PPP1R9A: variants seen among roughly 807,000 people sequenced by gnomAD.
PPP1R9A encodes the protein neurabin-1.
A neutral mutation model predicts 141.9 loss-of-function variants in PPP1R9A; 59 were observed. That is an observed-to-expected ratio of 0.42 (90% CI 0.34 to 0.52). The LOEUF is 0.52. Ranked by LOEUF, PPP1R9A falls within the 20% of genes least tolerant of loss-of-function variation. The pLI, the probability that PPP1R9A is intolerant of heterozygous loss-of-function variation, is 0.10. For missense variants in PPP1R9A, 1,444 were observed against 1,611.9 expected (o/e 0.90, Z 1.78); for synonymous variants, 500 against 569.7 (o/e 0.88, Z 1.74).
At chr7:95,241,231 A>T (rs1216892678) in intron 8 of PPP1R9A, among the ~76,000 whole-genome samples, 2 of 152,194 alleles carry the variant, frequency 1.3e-5, no homozygotes. Flanking sequence ...GCAGTGTGCC[A>T]TGCATCAGCC....
intron 2 of PPP1R9A, among the ~76,000 whole-genome samples, chr7:95,015,352 G>T (rs1273980185): frequency 6.6e-6 from 1 of 151,852 alleles, no homozygotes; most frequent in Non-Finnish European, 1.5e-5. Flanking sequence ...ACAACTTAAT[G>T]TCTACACAGA....
chr7:95,260,546 G>A (rs548167350), intron 12 of PPP1R9A, among the ~76,000 whole-genome samples: 10 of 152,152 alleles, frequency 6.6e-5, no homozygotes, highest in African/African-American at 2.4e-4. Flanking sequence ...GGGCCTGGTG[G>A]TGGGCACCTG....
chr7:94,967,203 C>A (rs1166889161), intron 2 of PPP1R9A, among the ~76,000 whole-genome samples: 1 of 152,016 alleles, frequency 6.6e-6, no homozygotes, highest in Non-Finnish European at 1.5e-5. Flanking sequence ...TGTATCTTAT[C>A]CCTTTTTTTC....
intron 4 of PPP1R9A, among the ~76,000 whole-genome samples, chr7:95,129,853 G>A (rs1480712511): frequency 6.6e-6 from 1 of 152,174 alleles, no homozygotes; most frequent in Non-Finnish European, 1.5e-5. Flanking sequence ...GAACGTGAGA[G>A]AGATGATGTA....
chr7:95,042,916 G>GT (rs1370039856), intron 2 of PPP1R9A, among the ~76,000 whole-genome samples: 3 of 123,474 alleles, frequency 2.4e-5, no homozygotes, highest in Non-Finnish European at 5.7e-5. Context: ...GTATATTTTT[G>GT]TTAAAAAAAA....
chr7:94,950,572 A>G (rs532764426), intron 2 of PPP1R9A, among the ~76,000 whole-genome samples: 4 of 152,132 alleles, frequency 2.6e-5, no homozygotes, highest in African/African-American at 7.2e-5. Flanking sequence ...TAAATTTGAG[A>G]GAATGTTTAA....
At chr7:94,992,717 G>A (rs1324195527) in intron 2 of PPP1R9A, among the ~76,000 whole-genome samples, 5 of 152,036 alleles carry the variant, frequency 3.3e-5, no homozygotes, top group African/African-American at 9.7e-5. Context: ...TTTCTCTAAT[G>A]GCTAATGATT....
chr7:95,147,650 A>G (rs1024608163), intron 4 of PPP1R9A, among the ~76,000 whole-genome samples: 16 of 152,084 alleles, frequency 1.1e-4, no homozygotes, highest in Non-Finnish European at 1.8e-4. Context: ...AATAGTTCTT[A>G]TTATTTTGAG....
chr7:95,269,871 G>T (rs1801891353), intron 14 of PPP1R9A, among the ~76,000 whole-genome samples: 1 of 152,108 alleles, frequency 6.6e-6, no homozygotes, highest in Admixed American at 6.6e-5. Flanking sequence ...GCAGCCCAGA[G>T]TTTCAGTAAA....
intron 8 of PPP1R9A, among the ~76,000 whole-genome samples, chr7:95,233,196 AG>A (rs1796215171): frequency 6.6e-6 from 1 of 152,250 alleles, no homozygotes; most frequent in Non-Finnish European, 1.5e-5. Context: ...GTCATAAAAA[AG>A]GATGACTTAA....
chr7:95,217,701 G>A (rs1211499669), intron 7 of PPP1R9A, among the ~76,000 whole-genome samples: 1 of 152,194 alleles, frequency 6.6e-6, no homozygotes, highest in Non-Finnish European at 1.5e-5. Flanking sequence ...AGTCTTAGGA[G>A]AGTGTATGTG....
At chr7:95,223,662 A>C (rs2152948671) in intron 7 of PPP1R9A, among the ~76,000 whole-genome samples, 1 of 152,146 alleles carries the variant, frequency 6.6e-6, no homozygotes, top group East Asian at 1.9e-4. Context: ...GTTCATTTCA[A>C]CTCATGTTTA....
rs533455395 is a variant in PPP1R9A, at chr7:95,233,612, G to T, written c.2112+7496G>T. On this transcript the variant is annotated intron_variant, in intron 8 of 19. Coordinates refer to ENST00000433360, the MANE Select transcript of PPP1R9A (RefSeq NM_001166160.2). ...TCTGTCAGACATTCAAAGAAGAATT[G>T]GTACCAATCCTACTGACACTTTTCC... Among the ~76,000 whole-genome samples the T allele has an allele frequency of 2.4e-4, 36 of 152,192 alleles. No individual in the cohort carries two copies. The Middle Eastern group carries it at 0.014, about 58-fold the overall frequency.
intron 4 of PPP1R9A, among the ~76,000 whole-genome samples, chr7:95,141,592 C>T (rs1190449310): frequency 6.6e-6 from 1 of 151,866 alleles, no homozygotes; most frequent in Non-Finnish European, 1.5e-5. Context: ...GCTCTCCTGG[C>T]CATTTCATGT....
rs765903491 is a variant in PPP1R9A at position 94,910,142 on chromosome 7, G to A, written c.29G>A (p.Arg10Gln). The change falls in exon 2 of 20, where the codon CGA becomes CAA. Residue 10 changes from arginine to glutamine, a missense_variant. By Grantham distance (43) the Arg-to-Gln change is conservative. Transcript: ENST00000433360. This position sits in a 1 kb window ranked among gnomAD's most constrained non-coding sequence, Gnocchi z 4.5. ...TTGAAAACTGAGTCTTCAGGTGAAC[G>A]AACCACTCTCAGAAGTGCCTCTCCT... MLKTESSGE[R>Q]TTLRSASPHR... 2 of 1,612,596 alleles carry A rather than the reference G, an allele frequency of 1.2e-6. No individual in the cohort carries two copies. The highest frequency in any genetic ancestry group is 1.7e-6 in the Non-Finnish European group (2 of 1,179,166).
chr7:94,931,527 T>C (rs1039169243), intron 2 of PPP1R9A, among the ~76,000 whole-genome samples: 1 of 152,166 alleles, frequency 6.6e-6, no homozygotes, highest in Non-Finnish European at 1.5e-5. Flanking sequence ...ATAATGTAAA[T>C]GCTCCTTTTA....
At chr7:95,176,710 T>C (rs1832961043) in intron 5 of PPP1R9A, among the ~76,000 whole-genome samples, 1 of 151,840 alleles carries the variant, frequency 6.6e-6, no homozygotes, top group Non-Finnish European at 1.5e-5. Context: ...GACACACTTA[T>C]AGAAATGCAA....
chr7:95,124,462 A>T (rs1174637809), intron 4 of PPP1R9A, among the ~76,000 whole-genome samples: 2 of 152,110 alleles, frequency 1.3e-5, no homozygotes, highest in Admixed American at 1.3e-4. Context: ...GCTCTAGTGT[A>T]TGGGTTTTTT....
At chr7:95,252,467 A>ATT (rs71127405) in intron 12 of PPP1R9A, among the ~76,000 whole-genome samples, 5,900 of 106,988 alleles carry the variant, frequency 0.055, 439 homozygotes, top group African/African-American at 0.15. Context: ...TAAGGTTTAG[A>ATT]TTTTTTTTTT....
Sources: gnomAD v4.1 joint callset for allele counts (sites outside exome capture counted in the v4.1 genomes callset) on GRCh38, gnomAD v4.1.1 for gene constraint, Gnocchi (gnomAD v3.1) non-coding constraint, MANE v1.5 for transcripts, NCBI Gene and HGNC (gene_info 2026-07-23, HGNC 2026-07-21) for gene names.